The following SIPA1L1 variants were observed in gnomAD, a reference collection of about 807,000 sequenced individuals.
The protein encoded by SIPA1L1 is signal-induced proliferation-associated 1-like protein 1.
In SIPA1L1, 26 loss-of-function variants were observed where a neutral mutation model predicts 162.7. That is an observed-to-expected ratio of 0.16 (90% CI 0.12 to 0.22). SIPA1L1 has a LOEUF of 0.22. SIPA1L1 is among the 10% of genes least tolerant of loss of function. The pLI is 1.00. For missense variants in SIPA1L1, 1,874 were observed against 2,241.0 expected (o/e 0.84, Z 3.31); for synonymous variants, 829 against 837.4 (o/e 0.99, Z 0.17).
intron 2 of SIPA1L1, among the ~76,000 whole-genome samples, chr14:71,389,885 A>T (rs1254857408): frequency 1.3e-5 from 2 of 152,202 alleles, no homozygotes. Flanking sequence ...GGAACAGTTA[A>T]TATCCAGCGG....
chr14:71,599,501 T>C (rs1183460179), intron 5 of SIPA1L1, among the ~76,000 whole-genome samples: 1 of 151,592 alleles, frequency 6.6e-6, no homozygotes, highest in East Asian at 1.9e-4. Flanking sequence ...AATGTTCTGT[T>C]GTGTATACAT....
intron 2 of SIPA1L1, among the ~76,000 whole-genome samples, chr14:71,376,773 G>A (rs1240998829): frequency 6.6e-6 from 1 of 152,018 alleles, no homozygotes; most frequent in Non-Finnish European, 1.5e-5. Context: ...GACTCTTAAC[G>A]AGCATGCTGC....
intron 2 of SIPA1L1, among the ~76,000 whole-genome samples, chr14:71,507,806 T>C (rs906720997): frequency 1.3e-5 from 2 of 152,206 alleles, no homozygotes; most frequent in Non-Finnish European, 1.5e-5. Flanking sequence ...AAGCTATAAC[T>C]CTAGCCCTGT....
chr14:71,604,624 A>G (rs555379268), intron 5 of SIPA1L1, among the ~76,000 whole-genome samples: 1 of 152,176 alleles, frequency 6.6e-6, no homozygotes, highest in South Asian at 2.1e-4. Flanking sequence ...TTTTTCCTTC[A>G]TTTATGAAGG....
At chr14:71,654,211 C>G (rs1475938270) in intron 8 of SIPA1L1, among the ~76,000 whole-genome samples, 1 of 152,160 alleles carries the variant, frequency 6.6e-6, no homozygotes, top group Non-Finnish European at 1.5e-5. Flanking sequence ...AGCAAACAAG[C>G]AAGCTACAAA....
At chr14:71,491,761 AACACACACACACACAC>A (rs59275638) in intron 2 of SIPA1L1, among the ~76,000 whole-genome samples, 60 of 97,956 alleles carry the variant, frequency 6.1e-4, no homozygotes, top group Middle Eastern at 5.6e-3. Flanking sequence ...TTTTATTTCA[AACACACACACACACAC>A]ACACACACAC....
rs569663504 is a variant in SIPA1L1 at position 71,579,651 on chromosome 14, T to C, written c.-302-7920T>C. Among the ~76,000 whole-genome samples, 48 of 152,352 alleles carry C rather than the reference T, an allele frequency of 3.2e-4. No individual in the cohort carries two copies. The South Asian group carries it at 9.9e-3, about 32-fold the overall frequency. On this transcript the variant is annotated intron_variant, in intron 4 of 23. Coordinates refer to ENST00000381232, the MANE Select transcript of SIPA1L1 (RefSeq NM_001386936.1). Reference sequence around the variant, plus strand: ...ATTTTAATGTTTTTCTTTTACGTTCTAGGTTCTTGGGTGGTATTTCAAAAT... The same window carrying C: ...ATTTTAATGTTTTTCTTTTACGTTCCAGGTTCTTGGGTGGTATTTCAAAAT...
chr14:71,377,795 C>T lies in SIPA1L1; in HGVS notation c.-465+56614C>T, dbSNP rs1455290887. ...CTGGAGACCAGTCCGGCCAACACGG[C>T]GAAACCCCGTCTCCACCAAAAAATA... On this transcript the variant is annotated intron_variant, in intron 2 of 23. Coordinates refer to ENST00000381232, the MANE Select transcript of SIPA1L1 (RefSeq NM_001386936.1). This position sits in a 1 kb window ranked among gnomAD's most constrained non-coding sequence, Gnocchi z 4.8. Among the ~76,000 whole-genome samples, 3 of 152,202 alleles carry T rather than the reference C, an allele frequency of 2.0e-5. No individual in the cohort carries two copies. The highest frequency in any genetic ancestry group is 7.2e-5 in the African/African-American group (3 of 41,442).
At chr14:71,328,534 G>T (rs2034103387) in intron 2 of SIPA1L1, among the ~76,000 whole-genome samples, 1 of 152,188 alleles carries the variant, frequency 6.6e-6, no homozygotes. Context: ...TGACAATAAG[G>T]TAAATAAGTA....
intron 19 of SIPA1L1, among the ~76,000 whole-genome samples, 175 bp downstream of exon 19, chr14:71,725,010 C>G (rs923223109): frequency 2.0e-5 from 3 of 152,204 alleles, no homozygotes; most frequent in African/African-American, 7.2e-5. Flanking sequence ...TGACAGTGCT[C>G]TGTCCCTGCA....
At chr14:71,598,277 T>G in intron 5 of SIPA1L1, 1 of 947,892 alleles carries the variant, frequency 1.1e-6, no homozygotes, top group Non-Finnish European at 1.3e-6. Context: ...CTAAAATCAG[T>G]GAATGACTGT....
chr14:71,576,776 C>T (rs2033090987), intron 4 of SIPA1L1, among the ~76,000 whole-genome samples: 1 of 152,004 alleles, frequency 6.6e-6, no homozygotes, highest in African/African-American at 2.4e-5. Flanking sequence ...GCCTAAAATC[C>T]AGGCCTAAAT....
At chr14:71,593,544 A>G (rs1443252845) in intron 5 of SIPA1L1, among the ~76,000 whole-genome samples, 8 of 152,168 alleles carry the variant, frequency 5.3e-5, no homozygotes, top group African/African-American at 1.9e-4. Flanking sequence ...CCATGATCAG[A>G]GTACTAAGGA....
intron 2 of SIPA1L1, among the ~76,000 whole-genome samples, chr14:71,326,838 A>G (rs958598060): frequency 2.0e-5 from 3 of 149,734 alleles, no homozygotes; most frequent in African/African-American, 4.9e-5. Flanking sequence ...CAGCCTCCCA[A>G]GTAGCTGGGA....
intron 2 of SIPA1L1, among the ~76,000 whole-genome samples, chr14:71,483,178 C>G (rs959257680): frequency 2.0e-5 from 3 of 152,144 alleles, no homozygotes; most frequent in Admixed American, 6.5e-5. Flanking sequence ...TTACCTAAAT[C>G]TAAATATTTG....
intron 17 of SIPA1L1, among the ~76,000 whole-genome samples, chr14:71,710,291 C>T (rs1762740955): frequency 6.6e-6 from 1 of 152,186 alleles, no homozygotes; most frequent in Admixed American, 6.5e-5. Context: ...GATCACACCT[C>T]TAGATAAAAT....
intron 4 of SIPA1L1, among the ~76,000 whole-genome samples, chr14:71,548,880 G>A (rs1411385631): frequency 2.6e-5 from 3 of 115,762 alleles, no homozygotes; most frequent in African/African-American, 1.0e-4. Context: ...CCTGGAGACT[G>A]TCTCCAAAAA....
intron 2 of SIPA1L1, among the ~76,000 whole-genome samples, chr14:71,344,979 C>T (rs2140475097): frequency 6.6e-6 from 1 of 152,262 alleles, no homozygotes; most frequent in Non-Finnish European, 1.5e-5. Context: ...AAATAAATGT[C>T]ATCTGCACTG....
chr14:71,739,162 G>A lies in SIPA1L1; in HGVS notation c.*1G>A. 6.2e-7 allele frequency: 1 copy of A among 1,611,268 alleles called. No individual in the cohort carries two copies. Among genetic ancestry groups the A allele is most frequent in the South Asian group, 1.1e-5 (1 of 90,722 alleles). On this transcript the variant is annotated 3_prime_UTR_variant, in exon 24 of 24. Coordinates refer to ENST00000381232, the MANE Select transcript of SIPA1L1 (RefSeq NM_001386936.1). ...CTTCAACACCATAGACATGAGCTAG[G>A]GAAGGCTGAGGAGGACAGGAGAAGG...
Sources: allele counts gnomAD v4.1 joint callset (sites outside exome capture counted in the v4.1 genomes callset), GRCh38; gene constraint gnomAD v4.1.1; non-coding constraint Gnocchi (gnomAD v3.1); transcripts MANE v1.5; gene names NCBI Gene and HGNC (gene_info 2026-07-23, HGNC 2026-07-21).